Variants in CACNA2D1 observed in about 807,000 individuals in gnomAD.
CACNA2D1 encodes voltage-dependent calcium channel subunit alpha-2/delta-1.
In CACNA2D1, 53 loss-of-function variants were observed where a neutral mutation model predicts 171.5. The observed-to-expected ratio is 0.31, with a 90% CI of 0.25 to 0.39. The LOEUF (loss-of-function observed/expected upper bound fraction) is 0.39, where lower values mean the gene tolerates loss of function less well. Ranked by LOEUF, CACNA2D1 falls within the 10% of genes least tolerant of loss-of-function variation. The probability of loss-of-function intolerance (pLI) is 1.00; values close to 1 mark genes in which losing one functional copy is unlikely to be tolerated. For synonymous variants in CACNA2D1, 442 were observed against 443.1 expected (o/e 1.00, Z 0.03); for missense variants, 903 against 1,299.8 (o/e 0.69, Z 4.69).
chr7:82,245,875 A>G (rs1466642141), intron 3 of CACNA2D1, among the ~76,000 whole-genome samples: 2 of 152,084 alleles, frequency 1.3e-5, no homozygotes, highest in Non-Finnish European at 1.5e-5. Flanking sequence ...CATTCTTTCA[A>G]TGATAGTTTG....
intron 2 of CACNA2D1, among the ~76,000 whole-genome samples, chr7:82,336,629 A>G (rs769971054): frequency 1.3e-5 from 2 of 152,174 alleles, no homozygotes; most frequent in Non-Finnish European, 2.9e-5. Context: ...TTCTGCTAAG[A>G]AGCAGATTAT....
chr7:82,375,566 C>T (rs1035363148), intron 1 of CACNA2D1, among the ~76,000 whole-genome samples: 2 of 152,000 alleles, frequency 1.3e-5, no homozygotes, highest in East Asian at 1.9e-4. Flanking sequence ...TCTTGGAGTA[C>T]GTATTATCTA....
chr7:82,085,169 G>A (rs1476441695), intron 6 of CACNA2D1, among the ~76,000 whole-genome samples: 1 of 152,126 alleles, frequency 6.6e-6, no homozygotes. Context: ...GTATGACAGT[G>A]TCCCTACTGA....
intron 3 of CACNA2D1, among the ~76,000 whole-genome samples, chr7:82,254,998 C>T (rs933373645): frequency 1.3e-5 from 2 of 152,066 alleles, no homozygotes; most frequent in African/African-American, 4.8e-5. Context: ...CATTTATTGC[C>T]TTTAGAAAAA....
intron 6 of CACNA2D1, among the ~76,000 whole-genome samples, chr7:82,092,500 GTA>G (rs1811296166): frequency 6.8e-6 from 1 of 147,640 alleles, no homozygotes; most frequent in Non-Finnish European, 1.5e-5. Context: ...AGCCTCCCGA[GTA>G]ATTGGGACTA....
chr7:81,962,090 C>T (rs1415731213), intron 35 of CACNA2D1, 67 bp from the exon 36 acceptor site: 2 of 1,466,788 alleles, frequency 1.4e-6, no homozygotes, highest in Non-Finnish European at 1.9e-6. Flanking sequence ...AGTCACTCCC[C>T]TCGAGTCTTC....
In CACNA2D1 at chr7:82,076,876, A is replaced by T. The variant is rs147745846; in HGVS notation, c.658+7893T>A. On this transcript the variant is annotated intron_variant, in intron 7 of 38. Transcript: ENST00000356860. The stretch of plus-strand genomic sequence containing the variant: ...CAGCAGTGGTTATTCATCTCCTTAT[A>T]TTTTTATTTTATGCCATTCTTCCCT... Among the ~76,000 whole-genome samples the T allele has an allele frequency of 1.7e-3, 252 of 152,136 alleles. 2 individuals carry two copies. In the East Asian group the frequency reaches 0.018, roughly 11 times the overall value.
intron 6 of CACNA2D1, among the ~76,000 whole-genome samples, chr7:82,092,645 G>A (rs1009691478): frequency 7.5e-5 from 11 of 147,268 alleles, no homozygotes; most frequent in African/African-American, 1.5e-4. Flanking sequence ...CACCCACCTC[G>A]GCCTCCCAAA....
chr7:82,333,462 GA>G (rs1364430895), intron 3 of CACNA2D1, among the ~76,000 whole-genome samples: 2 of 147,714 alleles, frequency 1.4e-5, no homozygotes, highest in African/African-American at 5.1e-5. Context: ...GAAGGCAAAG[GA>G]GGAGCAAAGT....
At chr7:82,357,867 A>C (rs58489196) in intron 1 of CACNA2D1, among the ~76,000 whole-genome samples, 2,426 of 152,072 alleles carry the variant, frequency 0.016, 58 homozygotes, top group South Asian at 0.1. Context: ...ATAATAAAAA[A>C]AAAAAAAAGA....
intron 10 of CACNA2D1, among the ~76,000 whole-genome samples, chr7:82,039,701 A>C (rs7811209): frequency 6.6e-6 from 1 of 152,196 alleles, no homozygotes; most frequent in Non-Finnish European, 1.5e-5. Context: ...CTCCTAAGAA[A>C]AGGCATTTCC....
At chr7:82,225,943 A>ATCCTTT (rs1802311461) in intron 3 of CACNA2D1, among the ~76,000 whole-genome samples, 1 of 152,250 alleles carries the variant, frequency 6.6e-6, no homozygotes, top group Admixed American at 6.5e-5. Context: ...TAAAAGGATA[A>ATCCTTT]TAGTCATCTA....
At chr7:82,132,089 A>G (rs258703) in intron 5 of CACNA2D1, among the ~76,000 whole-genome samples, 16,135 of 152,198 alleles carry the variant, frequency 0.11, 1,081 homozygotes, top group Middle Eastern at 0.23. Context: ...AATATAGTAA[A>G]TATTTCTATT....
intron 5 of CACNA2D1, among the ~76,000 whole-genome samples, chr7:82,120,488 G>T (rs1211485243): frequency 6.6e-6 from 1 of 152,128 alleles, no homozygotes; most frequent in Non-Finnish European, 1.5e-5. Flanking sequence ...CATTATCAAA[G>T]ATAGGATGTG....
At chr7:82,350,049 CAAG>C in intron 1 of CACNA2D1, among the ~76,000 whole-genome samples, 1 of 152,140 alleles carries the variant, frequency 6.6e-6, no homozygotes, top group East Asian at 1.9e-4. Context: ...TTGTAAAATG[CAAG>C]AATAATTCCA....
intron 2 of CACNA2D1, among the ~76,000 whole-genome samples, chr7:82,335,455 GGTTAT>G (rs1817881632): frequency 6.6e-6 from 1 of 152,052 alleles, no homozygotes; most frequent in Non-Finnish European, 1.5e-5. Context: ...CCAAAATATA[GGTTAT>G]GTTAACAGGT....
chr7:81,951,978 T>TTTTTTG (rs1554321738), intron 38 of CACNA2D1, among the ~76,000 whole-genome samples: 2 of 148,938 alleles, frequency 1.3e-5, no homozygotes, highest in Non-Finnish European at 3.0e-5. Flanking sequence ...TGTTTTTTTT[T>TTTTTTG]TTTTTTTTTT....
At chr7:82,191,149 A>G (rs1044885586) in intron 3 of CACNA2D1, among the ~76,000 whole-genome samples, 11 of 151,864 alleles carry the variant, frequency 7.2e-5, no homozygotes, top group African/African-American at 2.2e-4. Context: ...GGATTTATAA[A>G]GAGAAATCAA....
chr7:82,441,971 A>G (rs1830538818), intron 1 of CACNA2D1, among the ~76,000 whole-genome samples: 2 of 152,192 alleles, frequency 1.3e-5, no homozygotes, highest in African/African-American at 2.4e-5. Context: ...TGACTGGAAC[A>G]TCCTGCCAAT....
Sources: gnomAD v4.1 joint callset for allele counts (sites outside exome capture counted in the v4.1 genomes callset) on GRCh38, gnomAD v4.1.1 for gene constraint, MANE v1.5 for transcripts, NCBI Gene and HGNC (gene_info 2026-07-23, HGNC 2026-07-21) for gene names.